Variants in ZNF835 observed in about 807,000 individuals in gnomAD.
ZNF835 encodes zinc finger protein 835.
For synonymous variants in ZNF835, 323 were observed against 324.7 expected (o/e 0.99, Z 0.06); for missense variants, 783 against 758.4 (o/e 1.03, Z -0.38).
chr19:56,664,076 A>G lies in ZNF835; in HGVS notation c.1123T>C (p.Ser375Pro). The G allele has an allele frequency of 6.2e-7, 1 of 1,609,742 alleles. No homozygotes were observed. The highest frequency in any genetic ancestry group is 2.2e-5 in the East Asian group (1 of 44,776). Residue 375 changes from serine (S) to proline (P), a missense_variant, in exon 2 of 2, where the codon TCC becomes CCC. By Grantham distance (74) the Ser-to-Pro change is moderately conservative. Coordinates refer to ENST00000537055, the MANE Select transcript of ZNF835 (RefSeq NM_001005850.3). ...ACGAGGCGGTGCTGGAGGAGGTGGG[A>G]GCGGTTGCTGAAGCGCTTGCCGCAG... ...HDCGKRFSNR[S>P]HLLQHRLVHT...
chr19:56,666,984 C>CAGG (rs1433438080), intron 1 of ZNF835, among the ~76,000 whole-genome samples: 1 of 152,194 alleles, frequency 6.6e-6, no homozygotes, highest in Non-Finnish European at 1.5e-5. Flanking sequence ...AGGAGCTGCC[C>CAGG]AGGGTCTCCC....
At position 56,664,135 on chromosome 19, in the gene ZNF835, G is replaced by T. The variant is rs765769415; in HGVS notation, c.1064C>A (p.Thr355Lys). The change falls in exon 2 of 2, where the codon ACG becomes AAG. Residue 355 changes from threonine to lysine, a missense_variant. By Grantham distance (78) the Thr-to-Lys change is moderately conservative. Coordinates refer to ENST00000537055, the MANE Select transcript of ZNF835 (RefSeq NM_001005850.3). Reference sequence around the variant, plus strand: ...GGGGTAAGGCCGCTCTCCGGTGTGCGTGCGCTGGTGCTGCGTCAGGTGCGA... The same window carrying T: ...GGGGTAAGGCCGCTCTCCGGTGTGCTTGCGCTGGTGCTGCGTCAGGTGCGA... Reference protein sequence around the residue: ...QVSHLTQHQRTHTGERPYPCH... With the variant: ...QVSHLTQHQRKHTGERPYPCH... The T allele has an allele frequency of 2.5e-6, 4 of 1,608,674 alleles. No individual in the cohort carries two copies. The highest frequency in any genetic ancestry group is 3.4e-6 in the Non-Finnish European group (4 of 1,177,822).
intron 1 of ZNF835, among the ~76,000 whole-genome samples, chr19:56,667,668 C>T (rs1019358935): frequency 1.1e-4 from 16 of 152,334 alleles, no homozygotes; most frequent in Non-Finnish European, 2.1e-4. Context: ...GGACAGGCTA[C>T]GTCTGAAGCT....
intron 1 of ZNF835, among the ~76,000 whole-genome samples, chr19:56,671,001 C>A (rs9304780): frequency 0.73 from 110,569 of 152,288 alleles, 41,277 homozygotes; most frequent in African/African-American, 0.9. Context: ...ATGCCTTTAC[C>A]TGCAGTCACC....
At chr19:56,668,932 G>A (rs1209845150) in intron 1 of ZNF835, among the ~76,000 whole-genome samples, 1 of 151,950 alleles carries the variant, frequency 6.6e-6, no homozygotes, top group Non-Finnish European at 1.5e-5. Context: ...GTTCACAGCG[G>A]GGTTGGGTAA....
Position 56,662,512 on chromosome 19 carries a change from AGAG to A in ZNF835, c.*1070_*1072del, listed in dbSNP as rs1238587917. 6.6e-6 allele frequency: 1 copy of A among 152,208 alleles called. No individual in the cohort carries two copies. The highest frequency in any genetic ancestry group is 2.4e-5 in the African/African-American group (1 of 41,448). The allele number at this position is 152,208 out of a possible 1,614,324, so 9.4% of individuals were successfully genotyped here. A position where few individuals can be genotyped will look rare whatever the true frequency, so the allele number is the denominator to read the frequency against. On this transcript the variant is annotated 3_prime_UTR_variant, in exon 2 of 2. Transcript: ENST00000537055. ...TAGGCCCACTCTAAAAATCTTTTGT[AGAG>A]GAGAAGCACTCCCTTCTTCTAGAAT...
At position 56,664,659 on chromosome 19, in the gene ZNF835, G is replaced by T; in HGVS notation, c.540C>A (p.Tyr180Ter). Residue 180 changes from tyrosine to a stop codon, truncating the protein, a stop_gained, in exon 2 of 2, where the codon TAC (tyrosine) becomes TAA (stop). Coordinates refer to ENST00000537055, the MANE Select transcript of ZNF835 (RefSeq NM_001005850.3). LOFTEE classifies it low-confidence loss of function (END_TRUNC). ...ECGKAFSQGSYLASHWRTHTG... is the reference protein window; with the variant it reads ...ECGKAFSQGS The stretch of plus-strand genomic sequence containing the variant: ...TGTGCGTGCGCCAGTGGGACGCCAG[G>T]TACGAGCCCTGGCTGAAGGCCTTGC... 6.2e-7 allele frequency: 1 copy of T among 1,610,942 alleles called. No individual in the cohort carries two copies. Among genetic ancestry groups the T allele is most frequent in the South Asian group, 1.1e-5 (1 of 90,912 alleles).
rs1183407431 is a variant in ZNF835, at chr19:56,666,244, C to G, written c.-47-999G>C. Among the ~76,000 whole-genome samples the G allele has an allele frequency of 3.3e-5, 5 of 152,242 alleles. No individual in the cohort carries two copies. The East Asian group carries it at 9.7e-4, about 29-fold the overall frequency. ...GCCTCAGCCTCCTGAGTAGTTGGGA[C>G]TACAGGTGCACGCCACCATGCCCGG... On this transcript the variant is annotated intron_variant, in intron 1 of 1. Coordinates refer to ENST00000537055, the MANE Select transcript of ZNF835 (RefSeq NM_001005850.3).
At chr19:56,667,502 G>C (rs62130948) in intron 1 of ZNF835, among the ~76,000 whole-genome samples, 24,013 of 152,164 alleles carry the variant, frequency 0.16, 2,470 homozygotes, top group East Asian at 0.41. Flanking sequence ...CCCTTCTCCC[G>C]AGGGACATGG....
intron 1 of ZNF835, among the ~76,000 whole-genome samples, chr19:56,666,146 G>T (rs1336302849): frequency 2.6e-5 from 4 of 151,784 alleles, no homozygotes; most frequent in Admixed American, 6.6e-5. Context: ...ATGGAGTCTT[G>T]CTCTGTTGCC....
chr19:56,663,777 GTA>G lies in ZNF835; in HGVS notation c.1420_1421del (p.Tyr474ArgfsTer36), dbSNP rs763580182. On this transcript the variant is annotated frameshift_variant, in exon 2 of 2. Coordinates refer to ENST00000537055, the MANE Select transcript of ZNF835 (RefSeq NM_001005850.3). LOFTEE classifies it low-confidence loss of function (END_TRUNC). ...AGGCCTTCCCGCAGCCGCTGCACTC[GTA>G]GGGCTTCTCCCCGGTGTGCACGATG... The part of the protein sequence containing the change: ...HHIVHTGEKP[Y>X]ECSGCGKAFS... 2.5e-5 allele frequency: 40 copies of G among 1,613,890 alleles called. No individual in the cohort carries two copies. The East Asian group carries it at 8.2e-4, about 33-fold the overall frequency.
rs144449107 is a variant in ZNF835 at position 56,667,966 on chromosome 19, C to G, written c.-47-2721G>C. Among the ~76,000 whole-genome samples, 178 of 152,198 alleles carry G rather than the reference C, an allele frequency of 1.2e-3. 1 individual carries two copies. The highest frequency in any genetic ancestry group is 0.011 in the South Asian group (53 of 4,820). ...GTGTGGAAATAAATGCTGTTTCTTT[C>G]TTTCTTTCTTTTTTTGTTTTTTTGT... On this transcript the variant is annotated intron_variant, in intron 1 of 1. Coordinates refer to ENST00000537055, the MANE Select transcript of ZNF835 (RefSeq NM_001005850.3).
intron 1 of ZNF835, among the ~76,000 whole-genome samples, chr19:56,666,422 A>G (rs527404157): frequency 5.3e-5 from 8 of 152,258 alleles, no homozygotes; most frequent in South Asian, 2.1e-4. Context: ...TAATGTTTTG[A>G]TAAGAAGAGG....
rs1441644656 is a variant in ZNF835, at chr19:56,662,008, A to C, written c.*1577T>G. 3 of 152,120 alleles carry C rather than the reference A, an allele frequency of 2.0e-5. No individual in the cohort carries two copies. Among genetic ancestry groups the C allele is most frequent in the Non-Finnish European group, 4.4e-5 (3 of 68,052 alleles). 9.4% of individuals were successfully genotyped at this position (152,120 alleles called of 1,614,324 possible). On this transcript the variant is annotated 3_prime_UTR_variant, in exon 2 of 2. Coordinates refer to ENST00000537055, the MANE Select transcript of ZNF835 (RefSeq NM_001005850.3). ...AGTTATGAGATTATAACTTTAATTC[A>C]ACATTGTAGTAGGTGGATTACGTTC...
In ZNF835 at chr19:56,664,063, T is replaced by C; in HGVS notation, c.1136A>G (p.Gln379Arg). The C allele has an allele frequency of 6.2e-7, 1 of 1,611,180 alleles. No individual in the cohort carries two copies. The highest frequency in any genetic ancestry group is 8.5e-7 in the Non-Finnish European group (1 of 1,179,156). ...KRFSNRSHLL[Q>R]HRLVHTGERP... ...CTCACCGGTGTGCACGAGGCGGTGCTGGAGGAGGTGGGAGCGGTTGCTGAA... is the reference window on the plus strand; with the variant it reads ...CTCACCGGTGTGCACGAGGCGGTGCCGGAGGAGGTGGGAGCGGTTGCTGAA... The change falls in exon 2 of 2, where the codon CAG becomes CGG. Residue 379 changes from glutamine (Q) to arginine (R), a missense_variant. Physicochemically the swap from Gln to Arg is conservative, Grantham distance 43. Coordinates refer to ENST00000537055, the MANE Select transcript of ZNF835 (RefSeq NM_001005850.3).
Position 56,665,028 on chromosome 19 carries a change from G to A in ZNF835, c.171C>T (p.Phe57=), listed in dbSNP as rs757862423. The A allele has an allele frequency of 6.2e-6, 10 of 1,614,044 alleles. No homozygotes were observed. The South Asian group carries it at 1.1e-4, about 18-fold the overall frequency. The change falls in exon 2 of 2, where the codon TTC becomes TTT. Residue 57 remains phenylalanine, a synonymous_variant. Coordinates refer to ENST00000537055, the MANE Select transcript of ZNF835 (RefSeq NM_001005850.3). ...AGDSMQERDE[F]SRIPRTISSP... The stretch of plus-strand genomic sequence containing the variant: ...TCGATATGGTTCTTGGGATTCGGCT[G>A]AATTCATCGCGTTCCTGCATGCTGT...
intron 1 of ZNF835, among the ~76,000 whole-genome samples, chr19:56,669,542 T>C (rs4801354): frequency 0.085 from 7,004 of 82,404 alleles, 617 homozygotes; most frequent in East Asian, 0.17. Context: ...TACTTGGGGG[T>C]CTACCAGGAG....
At chr19:56,665,312 A>G (rs1490795751) in intron 1 of ZNF835, 67 bp from the exon 2 acceptor site, 1 of 1,400,148 alleles carries the variant, frequency 7.1e-7, no homozygotes, top group Non-Finnish European at 9.9e-7. Context: ...AAAATGGCTA[A>G]CAGCTGAACT....
intron 1 of ZNF835, among the ~76,000 whole-genome samples, chr19:56,670,460 A>G (rs971381491): frequency 3.3e-5 from 5 of 151,994 alleles, no homozygotes; most frequent in Admixed American, 1.3e-4. Context: ...CCCCCATGCA[A>G]GGAGGCAGGT....
Sources: gnomAD v4.1 joint callset for allele counts (sites outside exome capture counted in the v4.1 genomes callset) on GRCh38, gnomAD v4.1.1 for gene constraint, MANE v1.5 for transcripts, NCBI Gene and HGNC (gene_info 2026-07-23, HGNC 2026-07-21) for gene names.